RFX3: variants seen among roughly 807,000 people sequenced by gnomAD.
RFX3 encodes the protein transcription factor RFX3.
A neutral mutation model predicts 98.6 loss-of-function variants in RFX3; 14 were observed. The ratio of observed to expected loss-of-function variants is 0.14; its 90% confidence interval spans 0.09 to 0.22. The LOEUF is 0.22. Ranked by LOEUF, RFX3 falls within the 10% of genes least tolerant of loss-of-function variation. The pLI is 1.00. For missense variants in RFX3, 639 were observed against 926.9 expected, an observed-to-expected ratio of 0.69 and a Z score of 4.03; for synonymous variants, 383 against 328.4, an observed-to-expected ratio of 1.17 and a Z score of -1.80.
At chr9:3,345,050 T>C (rs1444013047) in intron 3 of RFX3, among the ~76,000 whole-genome samples, 1 of 152,168 alleles carries the variant, frequency 6.6e-6, no homozygotes, top group Non-Finnish European at 1.5e-5. Flanking sequence ...GAGTTCTTCC[T>C]ACTATGGGAA....
intron 1 of RFX3, among the ~76,000 whole-genome samples, chr9:3,444,433 G>A (rs1845859442): frequency 6.6e-6 from 1 of 151,808 alleles, no homozygotes; most frequent in Non-Finnish European, 1.5e-5. Context: ...GGTGGGGCAG[G>A]GAGAGGCAAG....
At chr9:3,294,818 T>G (rs1362655151) in intron 5 of RFX3, among the ~76,000 whole-genome samples, 1 of 152,118 alleles carries the variant, frequency 6.6e-6, no homozygotes, top group Non-Finnish European at 1.5e-5. Context: ...AAAATTCAGA[T>G]TTTGATCAGA....
At chr9:3,505,191 A>C (rs1816820698) in intron 1 of RFX3, among the ~76,000 whole-genome samples, 1 of 90,372 alleles carries the variant, frequency 1.1e-5, no homozygotes, top group Admixed American at 1.7e-4. Context: ...TATATATATG[A>C]ATATATATTT....
At chr9:3,503,488 T>C (rs1224947505) in intron 1 of RFX3, among the ~76,000 whole-genome samples, 2 of 152,132 alleles carry the variant, frequency 1.3e-5, no homozygotes, top group African/African-American at 2.4e-5. Context: ...CATTTCATAA[T>C]GGATGACAGG....
chr9:3,334,799 G>T (rs1047529668), intron 3 of RFX3, among the ~76,000 whole-genome samples: 1 of 152,108 alleles, frequency 6.6e-6, no homozygotes, highest in Non-Finnish European at 1.5e-5. Flanking sequence ...TTCAAACACT[G>T]GGTTGAGTAA....
At chr9:3,369,953 C>G (rs1289714559) in intron 2 of RFX3, among the ~76,000 whole-genome samples, 1 of 151,084 alleles carries the variant, frequency 6.6e-6, no homozygotes, top group Non-Finnish European at 1.5e-5. Context: ...CTCAGCCTCC[C>G]GAGTAGCTGG....
At chr9:3,304,835 G>A (rs1257475493) in intron 4 of RFX3, among the ~76,000 whole-genome samples, 1 of 151,912 alleles carries the variant, frequency 6.6e-6, no homozygotes, top group Non-Finnish European at 1.5e-5. Context: ...CATGAGAACG[G>A]ACTAATATGC....
At chr9:3,493,700 A>AATATATATAT (rs1288255611) in intron 1 of RFX3, among the ~76,000 whole-genome samples, 2 of 71,814 alleles carry the variant, frequency 2.8e-5, no homozygotes, top group African/African-American at 5.9e-5. Flanking sequence ...AAAAAAAAAA[A>AATATATATAT]ATATATATAT....
chr9:3,482,157 A>G (rs1454618771), intron 1 of RFX3, among the ~76,000 whole-genome samples: 2 of 142,800 alleles, frequency 1.4e-5, no homozygotes, highest in Non-Finnish European at 3.2e-5. Flanking sequence ...CATGATACAT[A>G]CATACAATGC....
chr9:3,504,244 T>C (rs1428483648), intron 1 of RFX3, among the ~76,000 whole-genome samples: 1 of 133,940 alleles, frequency 7.5e-6, no homozygotes, highest in Non-Finnish European at 1.5e-5. Flanking sequence ...ATATTATATA[T>C]ATATTTTATA....
chr9:3,264,792 T>C (rs905853073), intron 12 of RFX3, among the ~76,000 whole-genome samples: 3 of 152,170 alleles, frequency 2.0e-5, no homozygotes, highest in African/African-American at 7.2e-5. Flanking sequence ...TGCATATCAG[T>C]GAAACCAGAA....
chr9:3,306,933 A>C (rs1392367966), intron 4 of RFX3, among the ~76,000 whole-genome samples: 1 of 151,998 alleles, frequency 6.6e-6, no homozygotes, highest in African/African-American at 2.4e-5. Flanking sequence ...AGTTCCCATA[A>C]TTCCCATGTG....
chr9:3,398,312 C>T (rs982816006), intron 1 of RFX3, among the ~76,000 whole-genome samples: 3 of 151,624 alleles, frequency 2.0e-5, no homozygotes, highest in African/African-American at 7.3e-5. Flanking sequence ...TGTGCCTCTT[C>T]CTCTTTCTTC....
chr9:3,249,083 C>A (rs1161002383), intron 14 of RFX3, among the ~76,000 whole-genome samples: 1 of 151,874 alleles, frequency 6.6e-6, no homozygotes, highest in African/African-American at 2.4e-5. Flanking sequence ...CATTTACTGA[C>A]CTTTTTCTAA....
chr9:3,294,690 C>T (rs1827789896), intron 5 of RFX3, among the ~76,000 whole-genome samples: 1 of 152,076 alleles, frequency 6.6e-6, no homozygotes, highest in Admixed American at 6.6e-5. Context: ...ATTTTAATGT[C>T]AAATATTCCT....
At chr9:3,499,859 T>C (rs1815787093) in intron 1 of RFX3, among the ~76,000 whole-genome samples, 1 of 152,108 alleles carries the variant, frequency 6.6e-6, no homozygotes, top group Admixed American at 6.6e-5. Flanking sequence ...TTTGGAAAGT[T>C]AATTTTTTTT....
At chr9:3,458,789 T>C (rs1046171547) in intron 1 of RFX3, among the ~76,000 whole-genome samples, 4 of 152,158 alleles carry the variant, frequency 2.6e-5, no homozygotes, top group African/African-American at 7.2e-5. Flanking sequence ...AAGAAAAGGC[T>C]AAGTATAAGA....
intron 11 of RFX3, among the ~76,000 whole-genome samples, 155 bp downstream of exon 11, chr9:3,270,216 A>C (rs769185607): frequency 2.0e-5 from 3 of 152,214 alleles, no homozygotes; most frequent in Non-Finnish European, 4.4e-5. Flanking sequence ...GTTTTGCTCT[A>C]GGCTGCTTTC....
intron 1 of RFX3, among the ~76,000 whole-genome samples, chr9:3,523,782 A>T (rs1281256277): frequency 1.3e-5 from 2 of 152,132 alleles, no homozygotes; most frequent in Admixed American, 1.3e-4. Context: ...AAAAAAATAC[A>T]AGTTAGTATT....
Sources: gnomAD v4.1 joint callset for allele counts (sites outside exome capture counted in the v4.1 genomes callset) on GRCh38, gnomAD v4.1.1 for gene constraint, MANE v1.5 for transcripts, NCBI Gene and HGNC (gene_info 2026-07-23, HGNC 2026-07-21) for gene names.